PTPRN2: variants seen among roughly 807,000 people sequenced by gnomAD.
PTPRN2 encodes receptor-type tyrosine-protein phosphatase N2.
Under a neutral mutation model 118.8 loss-of-function variants are expected in PTPRN2, and 74 were observed. That is an observed-to-expected ratio of 0.62 (90% confidence interval 0.52 to 0.76). PTPRN2 has a LOEUF of 0.76. Among genes scored for constraint, PTPRN2 ranks in the 30% least tolerant of loss-of-function variants. The pLI is 0.00. For missense variants in PTPRN2, 1,481 were observed against 1,394.4 expected (o/e 1.06, Z -0.99); for synonymous variants, 641 against 608.0 (o/e 1.05, Z -0.80).
intron 2 of PTPRN2, among the ~76,000 whole-genome samples, chr7:158,445,620 A>G (rs1023676016): frequency 9.9e-5 from 15 of 152,100 alleles, no homozygotes. Context: ...TCCTCCAACA[A>G]TGAGTGGGCA....
intron 2 of PTPRN2, among the ~76,000 whole-genome samples, chr7:158,428,881 G>C (rs9638062): frequency 0.97 from 148,063 of 152,332 alleles, 71,997 homozygotes; most frequent in African/African-American, 0.99. Context: ...AGCAGCTACC[G>C]TCATGCAGAT....
rs150046928 is a variant in PTPRN2, at chr7:157,923,176, G to A, written c.1724-24439C>T. Reference sequence around the variant, plus strand: ...CCCTACACTGCATGCTTTTAGAGACGCCGTTCCACTGGGCCTTTTTATTCT... The same window carrying A: ...CCCTACACTGCATGCTTTTAGAGACACCGTTCCACTGGGCCTTTTTATTCT... On this transcript the variant is annotated intron_variant, in intron 11 of 22. Coordinates refer to ENST00000389418, the MANE Select transcript of PTPRN2 (RefSeq NM_002847.5). 3.2e-3 allele frequency among the ~76,000 whole-genome samples: 495 copies of A among 152,328 alleles called. 5 individuals are homozygous for A. Among genetic ancestry groups the A allele is most frequent in the African/African-American group, 0.012 (480 of 41,576 alleles).
chr7:157,687,561 T>C (rs1431520141), intron 12 of PTPRN2, among the ~76,000 whole-genome samples: 1 of 152,228 alleles, frequency 6.6e-6, no homozygotes, highest in African/African-American at 2.4e-5. Context: ...CCTCATCCTA[T>C]CTTTGTGTGC....
At chr7:158,108,019 C>T (rs1475303125) in intron 10 of PTPRN2, among the ~76,000 whole-genome samples, 2 of 151,836 alleles carry the variant, frequency 1.3e-5, no homozygotes, top group African/African-American at 4.8e-5. Flanking sequence ...CAGGCCCACA[C>T]ACCTGCCCCC....
At chr7:157,719,285 G>A (rs67547882) in intron 12 of PTPRN2, among the ~76,000 whole-genome samples, 12,540 of 152,270 alleles carry the variant, frequency 0.082, 1,043 homozygotes, top group African/African-American at 0.21. Context: ...CCTGACTCAC[G>A]TCTCCATTCT....
intron 12 of PTPRN2, among the ~76,000 whole-genome samples, chr7:157,747,326 C>T (rs1304937212): frequency 3.0e-5 from 4 of 135,312 alleles, no homozygotes; most frequent in Admixed American, 2.3e-4. Flanking sequence ...GATTCTGAGG[C>T]CTGCGTCCCT....
chr7:158,236,502 G>A (rs1829558236), intron 3 of PTPRN2, among the ~76,000 whole-genome samples: 1 of 152,182 alleles, frequency 6.6e-6, no homozygotes, highest in Non-Finnish European at 1.5e-5. Flanking sequence ...GGTGGGGTCT[G>A]CCCTGGCGTC....
At position 157,772,256 on chromosome 7, in the gene PTPRN2, CACAG is replaced by C. The variant is rs553493849; in HGVS notation, c.1789-89323_1789-89320del. ...ACACATACACACAGACACAGACGCA[CACAG>C]ACACCCATACAGACATACACAGACA... On this transcript the variant is annotated intron_variant, in intron 12 of 22. Transcript: ENST00000389418. 7.9e-4 allele frequency among the ~76,000 whole-genome samples: 105 copies of C among 132,776 alleles called. 2 individuals are homozygous for C. In the South Asian group the frequency reaches 0.017, roughly 22 times the overall value. 87.1% of individuals were successfully genotyped at this position (132,776 alleles called of 152,430 possible). A position where few individuals can be genotyped will look rare whatever the true frequency, so the allele number is the denominator to read the frequency against.
At position 157,603,955 on chromosome 7, in the gene PTPRN2, G is replaced by C; in HGVS notation, c.2418+47C>G. 1 of 1,552,552 alleles carries C rather than the reference G, an allele frequency of 6.4e-7. No homozygotes were observed. The highest frequency in any genetic ancestry group is 8.9e-7 in the Non-Finnish European group (1 of 1,125,392). ...TTCCCACGTGATTTGCCGCGTCCGT[G>C]CCACCCAAGGGAAAGCCTGGGGCCC... On this transcript the variant is annotated intron_variant, in intron 16 of 22. Coordinates refer to ENST00000389418, the MANE Select transcript of PTPRN2 (RefSeq NM_002847.5). This position sits in a 1 kb window ranked among gnomAD's most constrained non-coding sequence, Gnocchi z 5.4.
At chr7:158,521,634 A>G (rs1415701508) in intron 1 of PTPRN2, among the ~76,000 whole-genome samples, 5 of 102,042 alleles carry the variant, frequency 4.9e-5, no homozygotes, top group African/African-American at 1.5e-4. Context: ...AGGGAGGTCC[A>G]CGTCACAATG....
intron 2 of PTPRN2, among the ~76,000 whole-genome samples, chr7:158,372,422 A>G (rs35496703): frequency 0.97 from 120,719 of 124,964 alleles, 58,289 homozygotes; most frequent in East Asian, 0.99. Flanking sequence ...TCCCCCCAAC[A>G]CTGGTCCCCG....
At chr7:158,297,349 G>C (rs2151036141) in intron 3 of PTPRN2, among the ~76,000 whole-genome samples, 1 of 152,282 alleles carries the variant, frequency 6.6e-6, no homozygotes, top group African/African-American at 2.4e-5. Flanking sequence ...TGTTCAAAGG[G>C]ATCTGCCAGA....
chr7:158,016,783 T>TA (rs1443312893), intron 11 of PTPRN2, among the ~76,000 whole-genome samples: 1 of 152,196 alleles, frequency 6.6e-6, no homozygotes, highest in South Asian at 2.1e-4. Context: ...AGGTTTTTTT[T>TA]ATGATGCAAA....
intron 12 of PTPRN2, among the ~76,000 whole-genome samples, chr7:157,782,685 A>G (rs1175535086): frequency 2.0e-5 from 3 of 152,278 alleles, no homozygotes; most frequent in Non-Finnish European, 4.4e-5. Context: ...AATTATTTGG[A>G]AAATGACTAC....
chr7:158,214,596 CT>C (rs1827835170), intron 3 of PTPRN2, among the ~76,000 whole-genome samples: 1 of 152,170 alleles, frequency 6.6e-6, no homozygotes, highest in Non-Finnish European at 1.5e-5. Flanking sequence ...TAGACTTCCT[CT>C]TTCATGAGGC....
At chr7:158,021,806 A>C (rs1428173477) in intron 11 of PTPRN2, among the ~76,000 whole-genome samples, 1 of 152,198 alleles carries the variant, frequency 6.6e-6, no homozygotes, top group Non-Finnish European at 1.5e-5. Context: ...ATTTTAGTCC[A>C]CCAGAAAAGA....
At chr7:158,373,118 C>A (rs1051711332) in intron 2 of PTPRN2, among the ~76,000 whole-genome samples, 1 of 152,218 alleles carries the variant, frequency 6.6e-6, no homozygotes, top group African/African-American at 2.4e-5. Context: ...GTGGCCACAC[C>A]CCCAAGATGG....
chr7:158,081,379 T>C lies in PTPRN2; in HGVS notation c.1644-2A>G, dbSNP rs200744201. 6.2e-7 allele frequency: 1 copy of C among 1,613,854 alleles called. No homozygotes were observed. The highest frequency in any genetic ancestry group is 8.5e-7 in the Non-Finnish European group (1 of 1,179,726). On this transcript the variant is annotated splice_acceptor_variant, in intron 10 of 22. Transcript: ENST00000389418. LOFTEE classifies it high-confidence loss of function. ...AAGGTCACTGCTGGTCCGAGAACCC[T>C]GGAAGGGATAATTTAAAATAAGTTC... is the stretch of plus-strand genomic sequence containing the variant.
chr7:157,961,905 G>A (rs1337378746), intron 11 of PTPRN2, among the ~76,000 whole-genome samples: 3 of 151,998 alleles, frequency 2.0e-5, no homozygotes, highest in African/African-American at 7.2e-5. Flanking sequence ...ACCCGGCGGC[G>A]GCCGCACCGG....
Sources: gnomAD v4.1 joint callset for allele counts (sites outside exome capture counted in the v4.1 genomes callset) on GRCh38, gnomAD v4.1.1 for gene constraint, Gnocchi (gnomAD v3.1) non-coding constraint, MANE v1.5 for transcripts, NCBI Gene and HGNC (gene_info 2026-07-23, HGNC 2026-07-21) for gene names.